GRK1: variants seen among roughly 807,000 people sequenced by gnomAD.
GRK1 encodes rhodopsin kinase GRK1.
Under a neutral mutation model 41.7 loss-of-function variants are expected in GRK1, and 28 were observed. The ratio of observed to expected loss-of-function variants is 0.67; its 90% CI spans 0.50 to 0.92. GRK1 has a LOEUF of 0.92. GRK1 is among the 40% of genes least tolerant of loss of function. GRK1 has a pLI of 0.00. For missense variants in GRK1, 703 were observed against 671.2 expected (o/e 1.05, Z -0.52); for synonymous variants, 327 against 286.7 (o/e 1.14, Z -1.42).
At chr13:113,664,975 T>C (rs2049808432), upstream of GRK1, among the ~76,000 whole-genome samples, 4 of 152,140 alleles carry the variant, frequency 2.6e-5, no homozygotes, top group South Asian at 8.3e-4. This position sits in a 1 kb window ranked among gnomAD's most constrained non-coding sequence, Gnocchi z 5.4. Flanking sequence ...CCTCAAATAT[T>C]TACTCGTGAT....
chr13:113,733,472 G>C (rs1231525421), intron 6 of GRK1, among the ~76,000 whole-genome samples: 1 of 147,324 alleles, frequency 6.8e-6, no homozygotes, highest in African/African-American at 2.5e-5. Context: ...AGTGGATGCG[G>C]AAGATACTAT....
At chr13:113,728,220 GAGT>G (rs1168441314) in intron 4 of GRK1, among the ~76,000 whole-genome samples, 43 of 108,816 alleles carry the variant, frequency 4.0e-4, no homozygotes, top group Non-Finnish European at 5.1e-4. Context: ...TGGCGATGAG[GAGT>G]ACCCATGGCG....
intron 2 of GRK1, 95 bp downstream of exon 2, chr13:113,669,909 T>G (rs574856583): frequency 2.0e-6 from 3 of 1,494,360 alleles, no homozygotes; most frequent in Non-Finnish European, 2.7e-6. Flanking sequence ...AGAGCCATGG[T>G]GGCCCCAGGC....
At chr13:113,653,307 G>T in the GRK1 span, 8 of 1,593,988 alleles carry the variant, frequency 5.0e-6, no homozygotes, top group African/African-American at 1.4e-5. Context: ...CTCACCTGCC[G>T]TTTCACACCT....
chr13:113,735,038 C>A, intron 6 of GRK1, 30 bp from the exon 7 acceptor site: 3 of 1,465,120 alleles, frequency 2.0e-6, no homozygotes, highest in Non-Finnish European at 1.8e-6. Flanking sequence ...CCACGAGGAG[C>A]CTGGCGTCTG....
the GRK1 span, among the ~76,000 whole-genome samples, chr13:113,657,112 G>A: frequency 6.6e-6 from 1 of 152,314 alleles, no homozygotes; most frequent in South Asian, 2.1e-4. Context: ...GAGTGTGGGG[G>A]ATTTGGCAGC....
rs867427547 is a variant in GRK1, at chr13:113,735,240, C to G, written c.1569C>G (p.Ile523Met). Residue 523 changes from isoleucine to methionine, a missense_variant, in exon 7 of 7, where the codon ATC becomes ATG. By Grantham distance (10) the Ile-to-Met change is conservative. Transcript: ENST00000335678. ...NCPIPWQEEM[I>M]ETGIFGELNV... ...CCATCCCCTGGCAGGAGGAGATGAT[C>G]GAGACGGGCATCTTTGGCGAGCTGA... The G allele has an allele frequency of 4.6e-6, 7 of 1,537,158 alleles. No homozygotes were observed. In the South Asian group the frequency reaches 7.1e-5, roughly 16 times the overall value.
chr13:113,733,642 T>G (rs1213029590), intron 6 of GRK1, among the ~76,000 whole-genome samples: 6 of 140,628 alleles, frequency 4.3e-5, no homozygotes, highest in Non-Finnish European at 9.3e-5. Flanking sequence ...TGCTCATGTA[T>G]GTGTGCATAC....
chr13:113,656,938 G>C, the GRK1 span, among the ~76,000 whole-genome samples: 1 of 152,098 alleles, frequency 6.6e-6, no homozygotes, highest in East Asian at 1.9e-4. Flanking sequence ...CTCCCGCTCT[G>C]CCGCCCCGCC....
chr13:113,654,082 T>C, the GRK1 span, among the ~76,000 whole-genome samples: 2 of 152,218 alleles, frequency 1.3e-5, no homozygotes, highest in Admixed American at 6.5e-5. Flanking sequence ...TCATTTTGTG[T>C]CAACTCACCT....
At chr13:113,651,625 A>G in the GRK1 span, 3 of 1,545,330 alleles carry the variant, frequency 1.9e-6, no homozygotes, top group Non-Finnish European at 1.8e-6. Context: ...GACCCTGACA[A>G]GCTCCTTTCC....
At chr13:113,733,658 T>A (rs1408125912) in intron 6 of GRK1, among the ~76,000 whole-genome samples, 1 of 99,188 alleles carries the variant, frequency 1.0e-5, no homozygotes. Context: ...CATACGTGTG[T>A]GTGCGTGTGT....
intron 4 of GRK1, among the ~76,000 whole-genome samples, chr13:113,723,719 T>G (rs2049871184): frequency 6.6e-6 from 1 of 152,098 alleles, no homozygotes. Context: ...TTAGTGATTT[T>G]GGGTCTCAAG....
At chr13:113,652,195 G>C in the GRK1 span, among the ~76,000 whole-genome samples, 1 of 152,198 alleles carries the variant, frequency 6.6e-6, no homozygotes, top group African/African-American at 2.4e-5. Flanking sequence ...GTGCTCCGAG[G>C]GTGGCAGCTG....
At chr13:113,725,322 TCCAGGGGC>T (rs2049884846) in intron 4 of GRK1, among the ~76,000 whole-genome samples, 2 of 115,026 alleles carry the variant, frequency 1.7e-5, no homozygotes, top group African/African-American at 7.0e-5. Context: ...AGGGGCGGGA[TCCAGGGGC>T]GTGCACAGGG....
Position 113,671,917 on chromosome 13 carries a change from A to G in GRK1, c.985+261A>G, listed in dbSNP as rs1205972623. Among the ~76,000 whole-genome samples, 2 of 152,104 alleles carry G rather than the reference A, an allele frequency of 1.3e-5. No homozygotes were observed. The highest frequency in any genetic ancestry group is 2.9e-5 in the Non-Finnish European group (2 of 68,012). On this transcript the variant is annotated intron_variant, in intron 3 of 6. Coordinates refer to ENST00000335678, the MANE Select transcript of GRK1 (RefSeq NM_002929.3). This position sits in a 1 kb window ranked among gnomAD's most constrained non-coding sequence, Gnocchi z 4.1. ...TCCCCACCTTCCTTCTGCCTGAATG[A>G]GGCGTCACACAGGGATTCTTCTCAG...
chr13:113,736,003 A>G lies in GRK1; in HGVS notation c.*640A>G, dbSNP rs148246214. On this transcript the variant is annotated 3_prime_UTR_variant, in exon 7 of 7. Coordinates refer to ENST00000335678, the MANE Select transcript of GRK1 (RefSeq NM_002929.3). ...ATGGTCCCCTGCACTCCGGGGTGCCATGGTCCACATCTGCCAGGCGCAGGC... is the reference window on the plus strand; with the variant it reads ...ATGGTCCCCTGCACTCCGGGGTGCCGTGGTCCACATCTGCCAGGCGCAGGC... 0.24 allele frequency: 37,218 copies of G among 152,280 alleles called. 7,098 individuals carry two copies. Among genetic ancestry groups the G allele is most frequent in the African/African-American group, 0.53 (21,918 of 41,470 alleles). The allele number at this position is 152,280 out of a possible 1,614,324, so 9.4% of individuals were successfully genotyped here.
At chr13:113,724,364 G>A (rs1352189761) in intron 4 of GRK1, among the ~76,000 whole-genome samples, 1 of 152,202 alleles carries the variant, frequency 6.6e-6, no homozygotes, top group Non-Finnish European at 1.5e-5. Flanking sequence ...CACTTCTGCT[G>A]GGATTTCCAG....
the GRK1 span, chr13:113,653,024 T>G: frequency 6.2e-7 from 1 of 1,613,932 alleles, no homozygotes; most frequent in Admixed American, 1.7e-5. Context: ...GAAGAAGTAC[T>G]GCTCGGAGGT....
Sources: gnomAD v4.1 joint callset for allele counts (sites outside exome capture counted in the v4.1 genomes callset) on GRCh38, gnomAD v4.1.1 for gene constraint, Gnocchi (gnomAD v3.1) non-coding constraint, MANE v1.5 for transcripts, NCBI Gene and HGNC (gene_info 2026-07-23, HGNC 2026-07-21) for gene names.